The following ATP13A5 variants were observed in gnomAD, a reference collection of about 807,000 sequenced individuals.
ATP13A5 encodes the protein probable cation-transporting ATPase 13A5.
ATP13A5 carries 149 observed loss-of-function variants against 150.2 expected under a neutral mutation model. That is an observed-to-expected ratio of 0.99 (90% confidence interval 0.87 to 1.14). The LOEUF is 1.14. Ranked by LOEUF, ATP13A5 falls within the 50% of genes most tolerant of loss-of-function variation. The probability of loss-of-function intolerance (pLI) is 0.00; values close to 1 mark genes in which losing one functional copy is unlikely to be tolerated. For synonymous variants in ATP13A5, 497 were observed against 522.2 expected (o/e 0.95, Z 0.66); for missense variants, 1,383 against 1,449.3 (o/e 0.95, Z 0.74).
At chr3:193,340,906 C>T (rs1385838101) in intron 9 of ATP13A5, among the ~76,000 whole-genome samples, 1 of 152,096 alleles carries the variant, frequency 6.6e-6, no homozygotes, top group South Asian at 2.1e-4. Context: ...CTGCAGAGTT[C>T]CTGCTCCATA....
At chr3:193,279,731 C>A (rs754307851) in intron 27 of ATP13A5, among the ~76,000 whole-genome samples, 3 of 152,010 alleles carry the variant, frequency 2.0e-5, no homozygotes, top group Non-Finnish European at 4.4e-5. Flanking sequence ...CACTGCGTGT[C>A]CAGTGAGTTG....
chr3:193,319,226 T>G (rs1486290122), intron 16 of ATP13A5, 118 bp from the exon 17 acceptor site: 1 of 690,332 alleles, frequency 1.4e-6, no homozygotes, highest in Non-Finnish European at 2.5e-6. Context: ...AGCACTTTAA[T>G]AGAAAACTTA....
Position 193,307,297 on chromosome 3 carries a change from C to G in ATP13A5, c.2568+30G>C. The G allele has an allele frequency of 1.9e-6, 3 of 1,613,496 alleles. No individual in the cohort carries two copies. The South Asian group carries it at 3.3e-5, about 18-fold the overall frequency. The stretch of plus-strand genomic sequence containing the variant: ...CCTCCAGAGGGATATTAGTGAGTGG[C>G]TTGTCTGAGCAAAAGCCATTTCTAC... On this transcript the variant is annotated intron_variant, in intron 22 of 29. Coordinates refer to ENST00000342358, the MANE Select transcript of ATP13A5 (RefSeq NM_198505.4).
intron 9 of ATP13A5, among the ~76,000 whole-genome samples, chr3:193,336,050 T>C (rs1166583795): frequency 1.3e-5 from 2 of 152,186 alleles, no homozygotes; most frequent in East Asian, 1.9e-4. Flanking sequence ...TTTTACTAAA[T>C]GTTCAATTAG....
At chr3:193,278,510 G>C (rs979390677) in intron 28 of ATP13A5, among the ~76,000 whole-genome samples, 1 of 152,080 alleles carries the variant, frequency 6.6e-6, no homozygotes. Flanking sequence ...TTTGATTTCT[G>C]TCTCTGCCAC....
At chr3:193,333,366 G>A (rs1711716683) in intron 11 of ATP13A5, among the ~76,000 whole-genome samples, 1 of 152,076 alleles carries the variant, frequency 6.6e-6, no homozygotes, top group African/African-American at 2.4e-5. Flanking sequence ...GACCAGAAAG[G>A]ACCTCAGAGG....
chr3:193,327,167 A>T, intron 12 of ATP13A5, 110 bp from the exon 13 acceptor site: 1 of 964,184 alleles, frequency 1.0e-6, no homozygotes, highest in Non-Finnish European at 1.5e-6. Flanking sequence ...CAGTAGTCTA[A>T]ATACCTTGTT....
intron 17 of ATP13A5, among the ~76,000 whole-genome samples, 181 bp from the exon 18 acceptor site, chr3:193,315,277 CT>C (rs35629445): frequency 0.55 from 83,035 of 151,980 alleles, 23,873 homozygotes; most frequent in Non-Finnish European, 0.64. Flanking sequence ...CACCTCACCC[CT>C]CTCCTTCCTA....
intron 9 of ATP13A5, among the ~76,000 whole-genome samples, chr3:193,343,437 G>T (rs527627276): frequency 9.9e-5 from 15 of 152,262 alleles, no homozygotes; most frequent in African/African-American, 3.4e-4. Context: ...GATCGTCTTT[G>T]CCCGGAGGTT....
At chr3:193,327,241 G>A (rs1278243434) in intron 12 of ATP13A5, among the ~76,000 whole-genome samples, 184 bp from the exon 13 acceptor site, 1 of 152,182 alleles carries the variant, frequency 6.6e-6, no homozygotes, top group African/African-American at 2.4e-5. Context: ...GGTGATACAT[G>A]ATCCCCAAAA....
At chr3:193,320,491 G>A (rs769830272) in intron 16 of ATP13A5, among the ~76,000 whole-genome samples, 3 of 152,120 alleles carry the variant, frequency 2.0e-5, no homozygotes, top group Non-Finnish European at 4.4e-5. Flanking sequence ...GAGAGAGCAG[G>A]GACAATAGAT....
chr3:193,351,862 G>T (rs561413738), intron 6 of ATP13A5, among the ~76,000 whole-genome samples: 10 of 152,142 alleles, frequency 6.6e-5, no homozygotes, highest in East Asian at 1.9e-4. Context: ...ATTTCTGGTC[G>T]CATGAGAATA....
intron 5 of ATP13A5, among the ~76,000 whole-genome samples, chr3:193,360,235 AT>A (rs1712953063): frequency 6.6e-6 from 1 of 152,166 alleles, no homozygotes; most frequent in African/African-American, 2.4e-5. Context: ...GGGTAAAGTT[AT>A]TTCTCCTGAT....
chr3:193,334,330 G>T (rs1367810539), intron 10 of ATP13A5, among the ~76,000 whole-genome samples: 6 of 152,168 alleles, frequency 3.9e-5, no homozygotes, highest in Non-Finnish European at 8.8e-5. Flanking sequence ...GTCACGTCAT[G>T]TAAAAGACTG....
At chr3:193,329,336 G>T (rs1289767182) in intron 12 of ATP13A5, among the ~76,000 whole-genome samples, 2 of 151,956 alleles carry the variant, frequency 1.3e-5, no homozygotes, top group African/African-American at 4.8e-5. Context: ...TTTTTGCACT[G>T]TCACGTGTCA....
chr3:193,373,503 TCAAA>T (rs1713526391), intron 1 of ATP13A5, among the ~76,000 whole-genome samples: 1 of 148,748 alleles, frequency 6.7e-6, no homozygotes, highest in Non-Finnish European at 1.5e-5. Flanking sequence ...AATGATAGCC[TCAAA>T]CAATGATCAT....
chr3:193,377,885 C>G (rs1281476687), intron 1 of ATP13A5, among the ~76,000 whole-genome samples: 1 of 152,152 alleles, frequency 6.6e-6, no homozygotes, highest in Admixed American at 6.5e-5. Context: ...GGCTGGATTC[C>G]CAGCCTGTCC....
In ATP13A5 at chr3:193,325,021, G is replaced by A; in HGVS notation, c.1524-7C>T. The A allele has an allele frequency of 6.2e-7, 1 of 1,609,104 alleles. No homozygotes were observed. ...GCTGTGGGCTTCCTGGAAGCTGGTA[G>A]AGAAGGTAATGTTAAAGTCTTTGAT... On this transcript the variant is annotated splice_region_variant and splice_polypyrimidine_tract_variant and intron_variant, in intron 13 of 29. Coordinates refer to ENST00000342358, the MANE Select transcript of ATP13A5 (RefSeq NM_198505.4).
At chr3:193,367,105 T>C (rs1713265650) in intron 1 of ATP13A5, among the ~76,000 whole-genome samples, 1 of 151,874 alleles carries the variant, frequency 6.6e-6, no homozygotes, top group South Asian at 2.1e-4. Context: ...AGAAAAAGTT[T>C]TGAAATCAAT....
Sources: gnomAD v4.1 joint callset for allele counts (sites outside exome capture counted in the v4.1 genomes callset) on GRCh38, gnomAD v4.1.1 for gene constraint, MANE v1.5 for transcripts, NCBI Gene and HGNC (gene_info 2026-07-23, HGNC 2026-07-21) for gene names.